MAP2K6: variants seen among roughly 807,000 people sequenced by gnomAD.
The protein encoded by MAP2K6 is dual specificity mitogen-activated protein kinase kinase 6.
Under a neutral mutation model 53.7 loss-of-function variants are expected in MAP2K6, and 16 were observed. The ratio of observed to expected loss-of-function variants is 0.30; its 90% CI spans 0.20 to 0.45. MAP2K6 has a LOEUF of 0.45. MAP2K6 is among the 20% of genes least tolerant of loss of function. The pLI is 1.00. For synonymous variants in MAP2K6, 132 were observed against 143.1 expected (o/e 0.92, Z 0.55); for missense variants, 204 against 411.9 (o/e 0.50, Z 4.37).
chr17:69,449,342 A>G (rs925315704), intron 1 of MAP2K6, among the ~76,000 whole-genome samples: 16 of 151,772 alleles, frequency 1.1e-4, no homozygotes, highest in African/African-American at 3.6e-4. Context: ...GCTTTAAAAA[A>G]GAAGTGGTAT....
At chr17:69,480,687 G>A (rs1241394984) in intron 1 of MAP2K6, among the ~76,000 whole-genome samples, 4 of 152,112 alleles carry the variant, frequency 2.6e-5, no homozygotes, top group African/African-American at 4.8e-5. Flanking sequence ...TGAAGAAAGC[G>A]TACACCTCCA....
intron 1 of MAP2K6, among the ~76,000 whole-genome samples, chr17:69,421,768 C>G (rs183171209): frequency 2.0e-5 from 3 of 152,002 alleles, no homozygotes; most frequent in Non-Finnish European, 4.4e-5. Context: ...TGGTCTCGAT[C>G]TCCTGACCTC....
chr17:69,508,041 GTTTTT>G (rs71144698), intron 2 of MAP2K6, among the ~76,000 whole-genome samples: 128 of 44,884 alleles, frequency 2.9e-3, no homozygotes, highest in African/African-American at 0.011. Flanking sequence ...TATATATGTA[GTTTTT>G]TTTTTTTTTT....
chr17:69,511,761 A>T (rs758433826), intron 2 of MAP2K6, among the ~76,000 whole-genome samples: 1 of 152,212 alleles, frequency 6.6e-6, no homozygotes, highest in African/African-American at 2.4e-5. Context: ...AAACTTCACT[A>T]GTTGAATATC....
At chr17:69,472,000 A>G (rs1017645547) in intron 1 of MAP2K6, among the ~76,000 whole-genome samples, 1 of 152,188 alleles carries the variant, frequency 6.6e-6, no homozygotes, top group Non-Finnish European at 1.5e-5. Flanking sequence ...GCCTTTAGAG[A>G]AAGTAGTCTG....
At chr17:69,440,490 T>C (rs1386805718) in intron 1 of MAP2K6, among the ~76,000 whole-genome samples, 2 of 152,204 alleles carry the variant, frequency 1.3e-5, no homozygotes, top group Non-Finnish European at 2.9e-5. Context: ...CCCATTCTGT[T>C]CTGCATCTCA....
chr17:69,538,029 T>C (rs1325118498), intron 11 of MAP2K6, among the ~76,000 whole-genome samples: 1 of 152,020 alleles, frequency 6.6e-6, no homozygotes, highest in Non-Finnish European at 1.5e-5. Context: ...TATTTATTTA[T>C]TTATATTTTA....
rs1197428048 is a variant in MAP2K6 at position 69,542,805 on chromosome 17, T to G, written c.*1052T>G. 1 of 152,222 alleles carries G rather than the reference T, an allele frequency of 6.6e-6. No homozygotes were observed. The highest frequency in any genetic ancestry group is 1.5e-5 in the Non-Finnish European group (1 of 68,036). 9.4% of individuals were successfully genotyped at this position (152,222 alleles called of 1,614,324 possible). A position where few individuals can be genotyped will look rare whatever the true frequency, so the allele number is the denominator to read the frequency against. On this transcript the variant is annotated 3_prime_UTR_variant, in exon 12 of 12. Coordinates refer to ENST00000590474, the MANE Select transcript of MAP2K6 (RefSeq NM_002758.4). ...ATTGCCTTTGTAGTTAATGTACTCT[T>G]TGGCTTTGTTTGTTTGTTTTCTTCT...
chr17:69,471,009 A>G (rs1907965044), intron 1 of MAP2K6, among the ~76,000 whole-genome samples: 1 of 152,254 alleles, frequency 6.6e-6, no homozygotes, highest in Admixed American at 6.5e-5. Flanking sequence ...CACAGCACCT[A>G]GGACAGTACC....
chr17:69,479,505 G>A (rs1310998411), intron 1 of MAP2K6, among the ~76,000 whole-genome samples: 1 of 151,926 alleles, frequency 6.6e-6, no homozygotes, highest in African/African-American at 2.4e-5. Flanking sequence ...ATCTCAGTGT[G>A]CATGTACAAA....
intron 1 of MAP2K6, among the ~76,000 whole-genome samples, chr17:69,446,103 A>C (rs758707796): frequency 6.6e-6 from 1 of 152,358 alleles, no homozygotes; most frequent in Middle Eastern, 3.4e-3. Flanking sequence ...TTGGGTATGC[A>C]GCATGTTGTT....
chr17:69,420,842 T>C (rs528317198), intron 1 of MAP2K6, among the ~76,000 whole-genome samples: 40 of 152,260 alleles, frequency 2.6e-4, no homozygotes, highest in Non-Finnish European at 4.9e-4. Flanking sequence ...TGAGCAGGGG[T>C]TATTTTTCTG....
chr17:69,518,351 G>A (rs923269024), intron 4 of MAP2K6, among the ~76,000 whole-genome samples: 5 of 152,258 alleles, frequency 3.3e-5, no homozygotes, highest in African/African-American at 1.2e-4. Flanking sequence ...GCATTTGGCT[G>A]TTATGACTCA....
chr17:69,513,890 G>A (rs373533340), intron 2 of MAP2K6, among the ~76,000 whole-genome samples: 3 of 152,130 alleles, frequency 2.0e-5, no homozygotes, highest in South Asian at 4.1e-4. Context: ...CATGGCAAGC[G>A]GATCACTTGA....
intron 1 of MAP2K6, among the ~76,000 whole-genome samples, chr17:69,438,395 A>G (rs1345056686): frequency 2.6e-5 from 4 of 152,152 alleles, no homozygotes; most frequent in Non-Finnish European, 5.9e-5. Context: ...TTCTTCACAA[A>G]AAATTATATG....
Position 69,547,204 on chromosome 17 carries a change from T to C in MAP2K6, c.*5451T>C, listed in dbSNP as rs1480131087. ...TTTTGCAAACTTTTTTTGGTTGTTG[T>C]TGGGAGGGGGTTGCAGTTTATATAC... On this transcript the variant is annotated 3_prime_UTR_variant, in exon 12 of 12. Coordinates refer to ENST00000590474, the MANE Select transcript of MAP2K6 (RefSeq NM_002758.4). The C allele has an allele frequency of 2.0e-5, 3 of 152,182 alleles. No homozygotes were observed. The highest frequency in any genetic ancestry group is 7.2e-5 in the African/African-American group (3 of 41,438). The allele number at this position is 152,182 out of a possible 1,614,324, so 9.4% of individuals were successfully genotyped here. A position where few individuals can be genotyped will look rare whatever the true frequency, so the allele number is the denominator to read the frequency against.
At chr17:69,530,472 A>G (rs2716198) in intron 10 of MAP2K6, among the ~76,000 whole-genome samples, 91,174 of 152,094 alleles carry the variant, frequency 0.6, 27,510 homozygotes, top group Middle Eastern at 0.73. Context: ...GTAGAATGCT[A>G]TACTTAAGAA....
chr17:69,502,302 A>G, intron 1 of MAP2K6: 1 of 985,372 alleles, frequency 1.0e-6, no homozygotes, highest in Non-Finnish European at 1.2e-6. Flanking sequence ...TTTGGAGCTA[A>G]GTGAAGAATG....
At chr17:69,473,250 G>C (rs552805738) in intron 1 of MAP2K6, among the ~76,000 whole-genome samples, 1 of 152,174 alleles carries the variant, frequency 6.6e-6, no homozygotes, top group Non-Finnish European at 1.5e-5. Context: ...TGTATTTTGA[G>C]TGGAATAATT....
Sources: gnomAD v4.1 joint callset for allele counts (sites outside exome capture counted in the v4.1 genomes callset) on GRCh38, gnomAD v4.1.1 for gene constraint, MANE v1.5 for transcripts, NCBI Gene and HGNC (gene_info 2026-07-23, HGNC 2026-07-21) for gene names.